Variants in ERBB4 observed in about 807,000 individuals in gnomAD.
The protein encoded by ERBB4 is erb-b2 receptor tyrosine kinase 4.
ERBB4 carries 42 observed loss-of-function variants against 158.0 expected under a neutral mutation model. That is an observed-to-expected ratio of 0.27 (90% CI 0.21 to 0.34). ERBB4 has a LOEUF of 0.34. Ranked by LOEUF, ERBB4 falls within the 10% of genes least tolerant of loss-of-function variation. The pLI is 1.00. For missense variants in ERBB4, 1,333 were observed against 1,624.1 expected, an observed-to-expected ratio of 0.82 and a Z score of 3.08; for synonymous variants, 583 against 558.7, an observed-to-expected ratio of 1.04 and a Z score of -0.61.
chr2:211,999,860 A>C (rs890498105), intron 2 of ERBB4, among the ~76,000 whole-genome samples: 2 of 151,756 alleles, frequency 1.3e-5, no homozygotes, highest in South Asian at 4.1e-4. Flanking sequence ...GATGGTCAGC[A>C]ATAGGTCAAT....
At position 211,408,299 on chromosome 2, in the gene ERBB4, A is replaced by C. The variant is rs138783256; in HGVS notation, c.3135+12142T>G. On this transcript the variant is annotated intron_variant, in intron 25 of 27. Transcript: ENST00000342788. ...CTGCGAATCTTGTAGCAGTAATACT[A>C]AAAATTAACCATCTAAATGATTTAG... 3.6e-3 allele frequency among the ~76,000 whole-genome samples: 545 copies of C among 152,308 alleles called. 2 individuals carry two copies. Among genetic ancestry groups the C allele is most frequent in the African/African-American group, 0.013 (525 of 41,580 alleles).
chr2:211,821,607 T>A (rs2076996035), intron 3 of ERBB4, among the ~76,000 whole-genome samples: 1 of 151,876 alleles, frequency 6.6e-6, no homozygotes, highest in Non-Finnish European at 1.5e-5. Flanking sequence ...CTTCAAAATA[T>A]ACTACAAAGC....
chr2:211,414,516 A>G (rs1423220194), intron 25 of ERBB4, among the ~76,000 whole-genome samples: 1 of 150,432 alleles, frequency 6.6e-6, no homozygotes, highest in Non-Finnish European at 1.5e-5. Flanking sequence ...AAAAAAAAAA[A>G]AAAAAAAGAA....
At chr2:211,466,380 G>A (rs2064690747) in intron 20 of ERBB4, among the ~76,000 whole-genome samples, 1 of 142,052 alleles carries the variant, frequency 7.0e-6, no homozygotes, top group Admixed American at 7.2e-5. Context: ...ATTCAATGAT[G>A]CCATGAAATA....
rs1012980701 is a variant in ERBB4 at position 211,439,320 on chromosome 2, C to A, written c.2488-8220G>T. On this transcript the variant is annotated intron_variant, in intron 20 of 27. Coordinates refer to ENST00000342788, the MANE Select transcript of ERBB4 (RefSeq NM_005235.3). ...GTTGTTGAAGACACAGTGAAATTCA[C>A]AAATAGTTAGTTGGTTTTTAAAGTG... 4.6e-5 allele frequency among the ~76,000 whole-genome samples: 7 copies of A among 152,044 alleles called. 1 individual carries two copies. The highest frequency in any genetic ancestry group is 1.7e-4 in the African/African-American group (7 of 41,320).
chr2:211,756,385 A>C (rs747183507), intron 4 of ERBB4, among the ~76,000 whole-genome samples: 2 of 152,192 alleles, frequency 1.3e-5, no homozygotes, highest in Non-Finnish European at 2.9e-5. Flanking sequence ...ATGGATGAGC[A>C]CAACTGTTTG....
chr2:212,491,496 C>T (rs1365615595), intron 1 of ERBB4, among the ~76,000 whole-genome samples: 1 of 151,488 alleles, frequency 6.6e-6, no homozygotes, highest in Non-Finnish European at 1.5e-5. Flanking sequence ...ACAGAGGTTA[C>T]TGATTGAATT....
intron 1 of ERBB4, among the ~76,000 whole-genome samples, chr2:212,159,866 T>C (rs1246134432): frequency 6.6e-6 from 1 of 151,994 alleles, no homozygotes. Context: ...ATGTGATAAA[T>C]GGCTAATATA....
intron 1 of ERBB4, among the ~76,000 whole-genome samples, chr2:212,526,322 A>C (rs1450241278): frequency 2.0e-5 from 3 of 152,066 alleles, no homozygotes; most frequent in Non-Finnish European, 4.4e-5. Context: ...GCAATACAGT[A>C]AGCACAGAAA....
intron 25 of ERBB4, among the ~76,000 whole-genome samples, chr2:211,392,092 C>G (rs1388150833): frequency 6.6e-6 from 1 of 152,202 alleles, no homozygotes; most frequent in Non-Finnish European, 1.5e-5. Context: ...GACACTTCCA[C>G]ATAGTAACTA....
At chr2:212,384,920 TACAC>T (rs547762352) in intron 1 of ERBB4, among the ~76,000 whole-genome samples, 19 of 123,764 alleles carry the variant, frequency 1.5e-4, no homozygotes, top group South Asian at 1.4e-3. Flanking sequence ...TATATATATA[TACAC>T]ACACACACAC....
chr2:211,429,626 AG>A (rs556737605), intron 21 of ERBB4, among the ~76,000 whole-genome samples: 8 of 152,194 alleles, frequency 5.3e-5, no homozygotes, highest in Non-Finnish European at 8.8e-5. Context: ...TGCAGTTGAA[AG>A]CTTAAAACTA....
intron 1 of ERBB4, among the ~76,000 whole-genome samples, chr2:212,150,811 T>A (rs1204052555): frequency 1.3e-5 from 2 of 152,198 alleles, no homozygotes; most frequent in East Asian, 3.8e-4. Flanking sequence ...TGCATATCAT[T>A]AAATTCATGT....
At position 211,702,065 on chromosome 2, in the gene ERBB4, C is replaced by T. The variant is rs2106036589; in HGVS notation, c.1391G>A (p.Ser464Asn). 1 of 1,613,380 alleles carries T rather than the reference C, an allele frequency of 6.2e-7. No homozygotes were observed. Among genetic ancestry groups the T allele is most frequent in the Admixed American group, 1.7e-5 (1 of 60,014 alleles). ...AATGGTATGATAATAACACAGGTTG[C>T]TGTTGTCAGTAATATAGATGTTTCC... ...SAGNIYITDN[S>N]NLCYYHTINW... Residue 464 changes from serine (S) to asparagine (N), a missense_variant, in exon 12 of 28, where the codon AGC (serine) becomes AAC (asparagine). Ser to Asn is a conservative substitution (Grantham distance 46). Transcript: ENST00000342788.
chr2:211,660,222 T>C (rs1173970224), intron 15 of ERBB4, among the ~76,000 whole-genome samples: 1 of 152,182 alleles, frequency 6.6e-6, no homozygotes, highest in African/African-American at 2.4e-5. Flanking sequence ...AGTTGCTAGA[T>C]TAGTATTTTC....
At chr2:211,457,386 T>G (rs1450908844) in intron 20 of ERBB4, among the ~76,000 whole-genome samples, 1 of 152,254 alleles carries the variant, frequency 6.6e-6, no homozygotes, top group African/African-American at 2.4e-5. Flanking sequence ...ATTGTACATT[T>G]GATGAAGTAT....
At chr2:211,422,242 G>A (rs576331352) in intron 23 of ERBB4, 138 bp from the exon 24 acceptor site, 54 of 581,380 alleles carry the variant, frequency 9.3e-5, no homozygotes, top group African/African-American at 9.1e-4. Context: ...GCAAGCTAGT[G>A]AAAGAAACGA....
chr2:211,438,828 T>C (rs1039931046), intron 20 of ERBB4, among the ~76,000 whole-genome samples: 5 of 152,148 alleles, frequency 3.3e-5, no homozygotes, highest in African/African-American at 1.2e-4. Flanking sequence ...ACTGCAGTCA[T>C]GATCTTCAAG....
chr2:212,421,280 A>G (rs543718836), intron 1 of ERBB4, among the ~76,000 whole-genome samples: 93 of 149,990 alleles, frequency 6.2e-4, no homozygotes, highest in Admixed American at 2.3e-3. Flanking sequence ...CTTACTTACA[A>G]TCAGATGAAT....
Sources: allele counts gnomAD v4.1 joint callset (sites outside exome capture counted in the v4.1 genomes callset), GRCh38; gene constraint gnomAD v4.1.1; transcripts MANE v1.5; gene names NCBI Gene and HGNC (gene_info 2026-07-23, HGNC 2026-07-21).